Variants in SACS observed in about 807,000 individuals in gnomAD.
SACS encodes the protein sacsin molecular chaperone, also known as sacsin.
A neutral mutation model predicts 348.0 loss-of-function variants in SACS; 197 were observed. That is an observed-to-expected ratio of 0.57 (90% CI 0.50 to 0.64). The LOEUF is 0.64. SACS is among the 30% of genes least tolerant of loss of function. The probability of loss-of-function intolerance (pLI) is 0.00; values close to 1 mark genes in which losing one functional copy is unlikely to be tolerated. For missense variants in SACS, 4,999 were observed against 5,360.8 expected, an observed-to-expected ratio of 0.93 and a Z score of 2.11; for synonymous variants, 1,985 against 1,910.6, an observed-to-expected ratio of 1.04 and a Z score of -1.02.
chr13:23,337,178 C>T lies in SACS; in HGVS notation c.6698G>A (p.Ser2233Asn), dbSNP rs771654599. 1.2e-6 allele frequency: 2 copies of T among 1,613,958 alleles called. No homozygotes were observed. Among genetic ancestry groups the T allele is most frequent in the Non-Finnish European group, 1.7e-6 (2 of 1,179,884 alleles). The change falls in exon 10 of 10, where the codon AGT becomes AAT. Residue 2233 changes from serine to asparagine, a missense_variant. Physicochemically the swap from Ser to Asn is conservative, Grantham distance 46. Coordinates refer to ENST00000382292, the MANE Select transcript of SACS (RefSeq NM_014363.6). ...AGFSLDWKGNSFKPETMFAAT... is the reference protein window; with the variant it reads ...AGFSLDWKGNNFKPETMFAAT... ...TGCAAACATGGTTTCAGGCTTAAAACTGTTGCCTTTCCAGTCCAAAGAAAA... is the reference window on the plus strand; with the variant it reads ...TGCAAACATGGTTTCAGGCTTAAAATTGTTGCCTTTCCAGTCCAAAGAAAA...
intron 1 of SACS, among the ~76,000 whole-genome samples, chr13:23,425,149 G>A (rs973399959): frequency 2.0e-5 from 3 of 151,794 alleles, no homozygotes; most frequent in African/African-American, 7.3e-5. Context: ...TGGTCCTCTG[G>A]GGTCAGGGTG....
In SACS at chr13:23,336,073, A is replaced by T; in HGVS notation, c.7803T>A (p.Val2601=). Residue 2601 remains valine (V), a synonymous_variant, in exon 10 of 10, where the codon GTT becomes GTA. Coordinates refer to ENST00000382292, the MANE Select transcript of SACS (RefSeq NM_014363.6). ...CTTTTCCAAGATTCTGAATTCCTCT[A>T]ACATCATCTTCTGTAAATGGCTGGT... ...YNNQPFTEDD[V]RGIQNLGKGT... is the part of the protein sequence containing the mutation. The T allele has an allele frequency of 1.2e-6, 2 of 1,611,962 alleles. No homozygotes were observed. Among genetic ancestry groups the T allele is most frequent in the East Asian group, 4.5e-5 (2 of 44,822 alleles).
chr13:23,367,484 C>G (rs534325363), intron 5 of SACS, among the ~76,000 whole-genome samples: 1 of 152,332 alleles, frequency 6.6e-6, no homozygotes, highest in South Asian at 2.1e-4. Flanking sequence ...AACAACTGGT[C>G]TACTTTGACA....
intron 1 of SACS, among the ~76,000 whole-genome samples, chr13:23,430,331 C>G (rs1401566933): frequency 1.3e-5 from 2 of 152,142 alleles, no homozygotes; most frequent in African/African-American, 4.8e-5. Context: ...TCCTTAAGCT[C>G]TAAGTAACTA....
At chr13:23,379,382 G>T (rs750267179) in intron 2 of SACS, among the ~76,000 whole-genome samples, 1 of 152,196 alleles carries the variant, frequency 6.6e-6, no homozygotes, top group Non-Finnish European at 1.5e-5. Context: ...TCACCTCATG[G>T]CACAGCAGCC....
intron 5 of SACS, among the ~76,000 whole-genome samples, chr13:23,367,618 G>C (rs1402343783): frequency 1.3e-5 from 2 of 151,960 alleles, no homozygotes; most frequent in Non-Finnish European, 2.9e-5. Flanking sequence ...TTTTGAGACG[G>C]AGTGTGGCTC....
chr13:23,396,407 C>T (rs9634388), intron 2 of SACS, among the ~76,000 whole-genome samples: 44,465 of 151,144 alleles, frequency 0.29, 6,797 homozygotes, highest in East Asian at 0.45. Flanking sequence ...GTTTTTCAAG[C>T]TCATATGATT....
At chr13:23,424,875 C>T (rs57190316) in intron 1 of SACS, among the ~76,000 whole-genome samples, 15,783 of 152,256 alleles carry the variant, frequency 0.1, 1,529 homozygotes, top group African/African-American at 0.24. Flanking sequence ...AGAATCTAAA[C>T]AATTACATTT....
intron 1 of SACS, among the ~76,000 whole-genome samples, chr13:23,411,954 A>C (rs571891165): frequency 4.6e-5 from 7 of 152,222 alleles, no homozygotes; most frequent in Non-Finnish European, 1.0e-4. Flanking sequence ...GCACATGTGC[A>C]GCTACAGAAA....
intron 1 of SACS, among the ~76,000 whole-genome samples, chr13:23,423,849 G>C (rs1181966976): frequency 6.6e-6 from 1 of 152,050 alleles, no homozygotes; most frequent in Non-Finnish European, 1.5e-5. Flanking sequence ...ATATGAATGA[G>C]AAGAACCAGT....
chr13:23,355,328 G>A lies in SACS; in HGVS notation c.1284C>T (p.Ser428=), dbSNP rs941949767. 3 of 1,613,908 alleles carry A rather than the reference G, an allele frequency of 1.9e-6. No individual in the cohort carries two copies. Among genetic ancestry groups the A allele is most frequent in the African/African-American group, 1.3e-5 (1 of 74,882 alleles). ...PIIGIAMPLS[S]RDDEAKGATS... is the part of the protein sequence containing the mutation. Reference sequence around the variant, plus strand: ...TTGCTCCTTTTGCTTCATCATCTCTGCTTGATAAAGGCATGGCTATTCCAA... The same window carrying A: ...TTGCTCCTTTTGCTTCATCATCTCTACTTGATAAAGGCATGGCTATTCCAA... The change falls in exon 8 of 10, where the codon AGC becomes AGT. Residue 428 remains serine, a synonymous_variant. Coordinates refer to ENST00000382292, the MANE Select transcript of SACS (RefSeq NM_014363.6).
At chr13:23,354,302 CTTAGA>C (rs1465469326) in intron 8 of SACS, among the ~76,000 whole-genome samples, 3 of 152,128 alleles carry the variant, frequency 2.0e-5, no homozygotes, top group African/African-American at 7.2e-5. Flanking sequence ...AAAACAGCTG[CTTAGA>C]TAACTTTTCA....
chr13:23,368,449 G>GA lies in SACS; in HGVS notation c.297dup (p.Leu100SerfsTer16), dbSNP rs768437944. On this transcript the variant is annotated frameshift_variant, in exon 5 of 10. Transcript: ENST00000382292. LOFTEE classifies it high-confidence loss of function. ...GGATATCTTCTCAAAATGTCCTTGA[G>GA]AAAATCAACAAGTGGTGGCGTTGTC... 1 of 1,613,168 alleles carries GA rather than the reference G, an allele frequency of 6.2e-7. No individual in the cohort carries two copies. The highest frequency in any genetic ancestry group is 8.5e-7 in the Non-Finnish European group (1 of 1,179,604).
intron 1 of SACS, among the ~76,000 whole-genome samples, chr13:23,429,273 C>A (rs1228907659): frequency 7.3e-6 from 1 of 137,688 alleles, no homozygotes; most frequent in African/African-American, 2.6e-5. Context: ...AAAACTAATT[C>A]TTTGGGGAGG....
chr13:23,413,763 C>CA (rs2137970434), intron 1 of SACS, among the ~76,000 whole-genome samples: 1 of 152,202 alleles, frequency 6.6e-6, no homozygotes, highest in South Asian at 2.1e-4. Context: ...CATATCAATG[C>CA]AAAATCTTAT....
rs192811941 is a variant in SACS, at chr13:23,352,744, T to G, written c.2185+1041A>C. Among the ~76,000 whole-genome samples the G allele has an allele frequency of 7.9e-5, 12 of 152,320 alleles. No homozygotes were observed. In the East Asian group the frequency reaches 2.3e-3, roughly 29 times the overall value. On this transcript the variant is annotated intron_variant, in intron 9 of 9. Coordinates refer to ENST00000382292, the MANE Select transcript of SACS (RefSeq NM_014363.6). Reference sequence around the variant, plus strand: ...GTTGTTTTGAAGATGACAATTACAATTAAATGAGTAACTCAGACGTTTGAA... The same window carrying G: ...GTTGTTTTGAAGATGACAATTACAAGTAAATGAGTAACTCAGACGTTTGAA...
chr13:23,422,489 A>G (rs2137999473), intron 1 of SACS, among the ~76,000 whole-genome samples: 1 of 152,354 alleles, frequency 6.6e-6, no homozygotes, highest in South Asian at 2.1e-4. Context: ...GTGGTATTTC[A>G]GATCACTGAA....
At position 23,334,044 on chromosome 13, in the gene SACS, AGTCTTTTAGAGTAT is replaced by A. The variant is rs1057516464; in HGVS notation, c.9818_9831del (p.Asp3273ValfsTer20). 6.2e-7 allele frequency: 1 copy of A among 1,613,864 alleles called. No homozygotes were observed. Among genetic ancestry groups the A allele is most frequent in the Non-Finnish European group, 8.5e-7 (1 of 1,179,856 alleles). On this transcript the variant is annotated frameshift_variant, in exon 10 of 10. Coordinates refer to ENST00000382292, the MANE Select transcript of SACS (RefSeq NM_014363.6). LOFTEE classifies it high-confidence loss of function. ...AACTTTGTTCCTGGAAGCAATGCCCAGTCTTTTAGAGTATCAACAACAATGTCAAATGTTGGTTT... is the reference window on the plus strand; with the variant it reads ...AACTTTGTTCCTGGAAGCAATGCCCACAACAACAATGTCAAATGTTGGTTT...
chr13:23,368,299 G>T, intron 5 of SACS, 103 bp downstream of exon 5: 1 of 793,698 alleles, frequency 1.3e-6, no homozygotes, highest in South Asian at 1.7e-5. Context: ...TTTGAATCTA[G>T]ACAACATTTT....
Sources: allele counts gnomAD v4.1 joint callset (sites outside exome capture counted in the v4.1 genomes callset), GRCh38; gene constraint gnomAD v4.1.1; transcripts MANE v1.5; gene names NCBI Gene and HGNC (gene_info 2026-07-23, HGNC 2026-07-21).